Variants in CAPS2 observed in about 807,000 individuals in gnomAD.
CAPS2 encodes the protein calcyphosin-2.
In CAPS2, 98 loss-of-function variants were observed where a neutral mutation model predicts 86.5. That is an observed-to-expected ratio of 1.13 (90% confidence interval 0.96 to 1.34). The LOEUF (loss-of-function observed/expected upper bound fraction) is 1.34, where lower values mean the gene tolerates loss of function less well. Among genes scored for constraint, CAPS2 ranks in the 40% most tolerant of loss-of-function variants. The pLI, the probability that CAPS2 is intolerant of heterozygous loss-of-function variation, is 0.00. For synonymous variants in CAPS2, 210 were observed against 225.1 expected (o/e 0.93, Z 0.60); for missense variants, 729 against 686.8 (o/e 1.06, Z -0.69).
intron 9 of CAPS2, 72 bp downstream of exon 9, chr12:75,299,765 G>T: frequency 1.4e-6 from 1 of 722,910 alleles, no homozygotes. Context: ...TCTCATTACT[G>T]TCATTTCTAT....
exon 8 of CAPS2, chr12:75,304,809 C>G: frequency 1.9e-6 from 3 of 1,610,382 alleles, no homozygotes; most frequent in Non-Finnish European, 2.5e-6. Flanking sequence ...ATCTTTGAAT[C>G]TGGAAGGATA....
At chr12:75,294,070 T>C (rs888592140) in intron 11 of CAPS2, among the ~76,000 whole-genome samples, 4 of 152,144 alleles carry the variant, frequency 2.6e-5, no homozygotes, top group Non-Finnish European at 4.4e-5. Context: ...GTAGCTGAGT[T>C]ACAGGTGCCC....
intron 6 of CAPS2, among the ~76,000 whole-genome samples, chr12:75,313,781 T>C (rs1202452176): frequency 1.3e-5 from 2 of 152,182 alleles, no homozygotes; most frequent in African/African-American, 4.8e-5. Context: ...TTAGAAAAAG[T>C]GCTTTATTTA....
At chr12:75,331,321 T>A (rs148283721), upstream of CAPS2, among the ~76,000 whole-genome samples, 1,639 of 152,276 alleles carry the variant, frequency 0.011, 20 homozygotes, top group African/African-American at 0.032. Context: ...CAAAATTAGC[T>A]CCCCTCAGAA....
rs574281257 is a variant in CAPS2 at position 75,282,475 on chromosome 12, C to A, written c.1516-128G>T. On this transcript the variant is annotated intron_variant, in intron 15 of 16. Transcript: ENST00000393284. ...GATCTCAGCTCACTGCAATCTCCGC[C>A]TCCCAGGTTCAAGTGTTTCTCCTGC... is the stretch of plus-strand genomic sequence containing the variant. The A allele has an allele frequency of 1.1e-3, 670 of 634,178 alleles. 7 individuals carry two copies. Among genetic ancestry groups the A allele is most frequent in the Non-Finnish European group, 4.6e-5 (16 of 348,982 alleles). The allele number at this position is 634,178 out of a possible 1,614,324, so 39.3% of individuals were successfully genotyped here. A position where few individuals can be genotyped will look rare whatever the true frequency, so the allele number is the denominator to read the frequency against.
chr12:75,356,301 A>G (rs537905898), intron 1 of CAPS2, among the ~76,000 whole-genome samples: 7 of 152,200 alleles, frequency 4.6e-5, no homozygotes, highest in Non-Finnish European at 1.0e-4. Flanking sequence ...AACATTAAAT[A>G]TGTTTATAGA....
chr12:75,384,131 C>A (rs144733876), intron 1 of CAPS2, among the ~76,000 whole-genome samples: 95 of 151,844 alleles, frequency 6.3e-4, no homozygotes, highest in Middle Eastern at 3.4e-3. Context: ...GCAAATTAAA[C>A]CCAAAGTAAG....
chr12:75,357,188 G>A (rs556737300), intron 1 of CAPS2, among the ~76,000 whole-genome samples: 8 of 152,098 alleles, frequency 5.3e-5, no homozygotes, highest in South Asian at 4.1e-4. Context: ...AGACTCCATC[G>A]CTAAATAAAT....
chr12:75,291,612 T>TATATATATA (rs2035981631), intron 13 of CAPS2, 132 bp downstream of exon 13: 15 of 66,088 alleles, frequency 2.3e-4, no homozygotes, highest in East Asian at 7.2e-4. Flanking sequence ...TATATATATA[T>TATATATATA]TCTTTTTTAA....
At chr12:75,303,015 C>A (rs1056380755) in intron 8 of CAPS2, among the ~76,000 whole-genome samples, 2 of 152,166 alleles carry the variant, frequency 1.3e-5, no homozygotes, top group African/African-American at 2.4e-5. Context: ...AACAATTCTA[C>A]TTCTAAGTAT....
At chr12:75,337,442 A>G (rs544892841) in intron 1 of CAPS2, among the ~76,000 whole-genome samples, 8 of 151,974 alleles carry the variant, frequency 5.3e-5, no homozygotes, top group African/African-American at 1.9e-4. Flanking sequence ...TTAAATGGAT[A>G]GATAGAGAAT....
At chr12:75,321,997 A>T (rs564936838) in intron 4 of CAPS2, among the ~76,000 whole-genome samples, 1 of 152,168 alleles carries the variant, frequency 6.6e-6, no homozygotes, top group South Asian at 2.1e-4. Flanking sequence ...CATTTCTAGA[A>T]TATCAATATA....
intron 1 of CAPS2, among the ~76,000 whole-genome samples, chr12:75,388,663 C>T (rs1279324189): frequency 6.6e-6 from 1 of 151,978 alleles, no homozygotes; most frequent in Non-Finnish European, 1.5e-5. Flanking sequence ...AGTCTGAGCA[C>T]CAGGGATTTT....
intron 1 of CAPS2, chr12:75,370,459 A>C: frequency 4.3e-6 from 1 of 230,206 alleles, no homozygotes; most frequent in South Asian, 1.1e-4. Context: ...TTTTAGTTAT[A>C]GTACATTTAG....
intron 1 of CAPS2, chr12:75,359,881 G>A (rs2043451618): frequency 1.3e-5 from 2 of 151,982 alleles, no homozygotes; most frequent in African/African-American, 2.4e-5. Flanking sequence ...CCCAAGACTG[G>A]GTCATTTATA....
chr12:75,334,444 T>TACAG, upstream of CAPS2: 1 of 1,224,754 alleles, frequency 8.2e-7, no homozygotes. Context: ...CTCTGCAGAT[T>TACAG]ACAGATTGGA....
rs1306107054 is a variant in CAPS2, at chr12:75,311,700, G to GAAAAAAAAAA, written c.659+1138_659+1147dup. Reference sequence around the variant, plus strand: ...GTGTCACGTGCAGGAAGCCATGCAGGAAAAAAAAAAACAAAAAAAAAAACA... The same window carrying GAAAAAAAAAA: ...GTGTCACGTGCAGGAAGCCATGCAGGAAAAAAAAAAAAAAAAAAAAACAAAAAAAAAAACA... On this transcript the variant is annotated intron_variant, in intron 7 of 16. Coordinates refer to ENST00000393284, the Ensembl canonical transcript of CAPS2. Among the ~76,000 whole-genome samples, 4 of 6,714 alleles carry GAAAAAAAAAA rather than the reference G, an allele frequency of 6.0e-4. 1 individual carries two copies. The highest frequency in any genetic ancestry group is 3.6e-3 in the Admixed American group (2 of 548). 4.4% of individuals were successfully genotyped at this position (6,714 alleles called of 152,430 possible). A position where few individuals can be genotyped will look rare whatever the true frequency, so the allele number is the denominator to read the frequency against.
chr12:75,330,466 C>T (rs934061667), upstream of CAPS2, among the ~76,000 whole-genome samples: 3 of 152,222 alleles, frequency 2.0e-5, no homozygotes, highest in African/African-American at 7.2e-5. Flanking sequence ...TTCTGTTTAA[C>T]ATATTTCATA....
intron 1 of CAPS2, among the ~76,000 whole-genome samples, chr12:75,350,388 T>C (rs1292034018): frequency 6.6e-6 from 1 of 152,212 alleles, no homozygotes; most frequent in African/African-American, 2.4e-5. Context: ...CTATTTCCCC[T>C]GACTGGGTGA....
Sources: allele counts gnomAD v4.1 joint callset (sites outside exome capture counted in the v4.1 genomes callset), GRCh38; gene constraint gnomAD v4.1.1; transcripts MANE v1.5; gene names NCBI Gene and HGNC (gene_info 2026-07-23, HGNC 2026-07-21).